The following CEP112 variants were observed in gnomAD, a reference collection of about 807,000 sequenced individuals.
CEP112 encodes the protein centrosomal protein 112, also known as centrosomal protein of 112 kDa.
A neutral mutation model predicts 153.0 loss-of-function variants in CEP112; 127 were observed. The observed-to-expected ratio is 0.83, with a 90% CI of 0.72 to 0.96. The LOEUF is 0.96. Ranked by LOEUF, CEP112 falls within the 40% of genes least tolerant of loss-of-function variation. The probability of loss-of-function intolerance (pLI) is 0.00; values close to 1 mark genes in which losing one functional copy is unlikely to be tolerated. For missense variants in CEP112, 1,089 were observed against 1,101.2 expected (o/e 0.99, Z 0.16); for synonymous variants, 358 against 374.4 (o/e 0.96, Z 0.51).
At chr17:66,129,916 A>T in intron 5 of CEP112, 93 bp from the exon 6 acceptor site, 1 of 784,982 alleles carries the variant, frequency 1.3e-6, no homozygotes, top group Non-Finnish European at 2.1e-6. Context: ...GAAAAGATAG[A>T]AGAGATAAAG....
At chr17:65,973,120 G>C (rs1210259915) in intron 17 of CEP112, among the ~76,000 whole-genome samples, 8 of 152,186 alleles carry the variant, frequency 5.3e-5, no homozygotes, top group Non-Finnish European at 8.8e-5. Context: ...TTACTAAAAA[G>C]TGATCAAAGT....
intron 21 of CEP112, among the ~76,000 whole-genome samples, chr17:65,782,763 T>C (rs566731332): frequency 2.3e-4 from 35 of 152,076 alleles, no homozygotes; most frequent in African/African-American, 7.7e-4. Flanking sequence ...GAGCTAAACA[T>C]TGGGTACTCA....
At chr17:66,178,653 T>C (rs2072589262) in intron 2 of CEP112, among the ~76,000 whole-genome samples, 2 of 152,130 alleles carry the variant, frequency 1.3e-5, no homozygotes, top group African/African-American at 4.8e-5. Context: ...CTGGAGATTT[T>C]CCCCAATGTT....
chr17:66,080,611 T>G (rs750630329), intron 8 of CEP112, among the ~76,000 whole-genome samples: 8 of 152,238 alleles, frequency 5.3e-5, no homozygotes, highest in Non-Finnish European at 8.8e-5. Context: ...TGGAGATTCC[T>G]CAAGGATCTA....
intron 8 of CEP112, among the ~76,000 whole-genome samples, chr17:66,083,711 C>T (rs1008417634): frequency 1.3e-5 from 2 of 151,986 alleles, no homozygotes; most frequent in African/African-American, 4.8e-5. Context: ...ATTAGCCAGG[C>T]GTGGTGGTGA....
intron 12 of CEP112, among the ~76,000 whole-genome samples, chr17:66,042,312 T>C (rs1262327819): frequency 2.0e-5 from 3 of 152,118 alleles, no homozygotes; most frequent in East Asian, 1.9e-4. Context: ...ATTGTGCAAC[T>C]ACACTTTAGC....
At chr17:66,103,885 AAAG>A (rs1447327745) in intron 6 of CEP112, among the ~76,000 whole-genome samples, 1 of 152,194 alleles carries the variant, frequency 6.6e-6, no homozygotes, top group Non-Finnish European at 1.5e-5. Flanking sequence ...GTCACAGCAG[AAAG>A]AAACAGCAGG....
At chr17:65,834,122 T>C (rs1248873600) in intron 21 of CEP112, among the ~76,000 whole-genome samples, 24 of 152,160 alleles carry the variant, frequency 1.6e-4, no homozygotes, top group Admixed American at 1.6e-3. Context: ...ATTCAATGAA[T>C]GGTGTTGGAA....
At chr17:65,665,036 G>A (rs1341468993) in intron 24 of CEP112, among the ~76,000 whole-genome samples, 2 of 152,226 alleles carry the variant, frequency 1.3e-5, no homozygotes, top group African/African-American at 4.8e-5. Flanking sequence ...CACCATGAAG[G>A]CCCTACTCTC....
intron 2 of CEP112, among the ~76,000 whole-genome samples, chr17:66,182,595 C>A (rs757690384): frequency 1.3e-5 from 2 of 152,196 alleles, no homozygotes; most frequent in African/African-American, 2.4e-5. Flanking sequence ...CTTAGAGAAT[C>A]TTCCCAGTCC....
intron 24 of CEP112, among the ~76,000 whole-genome samples, chr17:65,651,982 C>T (rs1166022682): frequency 6.6e-6 from 1 of 152,218 alleles, no homozygotes; most frequent in African/African-American, 2.4e-5. Flanking sequence ...GGATAACAGG[C>T]ATGAGCCACT....
At position 65,965,243 on chromosome 17, in the gene CEP112, A is replaced by G. The variant is rs551790806; in HGVS notation, c.1737-3645T>C. Among the ~76,000 whole-genome samples the G allele has an allele frequency of 3.3e-5, 5 of 152,290 alleles. No homozygotes were observed. The South Asian group carries it at 8.3e-4, about 25-fold the overall frequency. On this transcript the variant is annotated intron_variant, in intron 17 of 26. Transcript: ENST00000535342. ...GCTATCCGTCAGATAATTAGAGGCC[A>G]TTTTAAAATATGAAAACCTTGCACA... is the stretch of plus-strand genomic sequence containing the variant.
chr17:65,720,155 C>T (rs2049784082), intron 23 of CEP112, among the ~76,000 whole-genome samples: 3 of 152,124 alleles, frequency 2.0e-5, no homozygotes, highest in South Asian at 4.1e-4. Flanking sequence ...AACACAGGAA[C>T]GGCAGCAGCA....
At chr17:66,120,227 G>A (rs1005879285) in intron 6 of CEP112, among the ~76,000 whole-genome samples, 2 of 152,000 alleles carry the variant, frequency 1.3e-5, no homozygotes, top group Non-Finnish European at 2.9e-5. Context: ...TTGAGATGGA[G>A]TCTCACTCCA....
At chr17:66,060,951 A>C (rs2066899482) in intron 11 of CEP112, among the ~76,000 whole-genome samples, 1 of 151,988 alleles carries the variant, frequency 6.6e-6, no homozygotes, top group Non-Finnish European at 1.5e-5. Context: ...CATGGAAAAA[A>C]AAATCAACAG....
chr17:65,920,359 C>CAAAAAAAAAAAAAAAAAAAAAA (rs1555713306), intron 19 of CEP112, among the ~76,000 whole-genome samples: 3 of 29,830 alleles, frequency 1.0e-4, no homozygotes, highest in Admixed American at 4.0e-4. Context: ...AACAAACAAA[C>CAAAAAAAAAAAAAAAAAAAAAA]AAAATATATA....
intron 24 of CEP112, among the ~76,000 whole-genome samples, chr17:65,674,480 T>G (rs939982626): frequency 2.6e-5 from 4 of 152,196 alleles, no homozygotes; most frequent in Admixed American, 6.5e-5. Context: ...ATCTTTCTTT[T>G]AACAGTTTCA....
At chr17:66,104,539 C>T (rs949224361) in intron 6 of CEP112, among the ~76,000 whole-genome samples, 5 of 152,138 alleles carry the variant, frequency 3.3e-5, no homozygotes, top group East Asian at 1.9e-4. Context: ...AGAATGATCC[C>T]GCACATTCCC....
At chr17:65,867,984 T>C (rs1857028562) in intron 20 of CEP112, among the ~76,000 whole-genome samples, 1 of 151,820 alleles carries the variant, frequency 6.6e-6, no homozygotes. Flanking sequence ...ATATTTCTGT[T>C]ATTTATAACA....
Sources: gnomAD v4.1 joint callset for allele counts (sites outside exome capture counted in the v4.1 genomes callset) on GRCh38, gnomAD v4.1.1 for gene constraint, MANE v1.5 for transcripts, NCBI Gene and HGNC (gene_info 2026-07-23, HGNC 2026-07-21) for gene names.